Variants in PARP6 observed in about 807,000 individuals in gnomAD.
The protein encoded by PARP6 is poly(ADP-ribose) polymerase family member 6.
A neutral mutation model predicts 92.0 loss-of-function variants in PARP6; 27 were observed. That is an observed-to-expected ratio of 0.29 (90% CI 0.22 to 0.40). PARP6 has a LOEUF of 0.40. PARP6 is among the 10% of genes least tolerant of loss of function. The pLI, the probability that PARP6 is intolerant of heterozygous loss-of-function variation, is 1.00. For missense variants in PARP6, 501 were observed against 784.5 expected, an observed-to-expected ratio of 0.64 and a Z score of 4.32; for synonymous variants, 272 against 281.2, an observed-to-expected ratio of 0.97 and a Z score of 0.33.
rs546372792 is a variant in PARP6 at position 72,271,121 on chromosome 15, G to C, written c.-293C>G. 1 of 152,292 alleles carries C rather than the reference G, an allele frequency of 6.6e-6. No homozygotes were observed. The highest frequency in any genetic ancestry group is 2.1e-4 in the South Asian group (1 of 4,830). 9.4% of individuals were successfully genotyped at this position (152,292 alleles called of 1,614,324 possible). On this transcript the variant is annotated 5_prime_UTR_variant, in exon 2 of 24. Transcript: ENST00000569795. ...AGTGCTGATCTGGATGATCACAGAG[G>C]AATAAAGAGGGAGGCACTAAATGTC...
At position 72,265,935 on chromosome 15, in the gene PARP6, G is replaced by C. The variant is rs373454949; in HGVS notation, c.138C>G (p.Ala46=). The C allele has an allele frequency of 3.7e-6, 6 of 1,613,766 alleles. No individual in the cohort carries two copies. In the East Asian group the frequency reaches 1.1e-4, roughly 30 times the overall value. The part of the protein sequence containing the change: ...RHPQLDADIE[A]VKEIYSENSV... ...AGTTCTCACTGTAGATCTCCTTCAC[G>C]GCTTCAATGTCTGCATCAAGCTGTG... Residue 46 remains alanine (A), a synonymous_variant, in exon 5 of 24, where the codon GCC becomes GCG. Transcript: ENST00000569795.
intron 19 of PARP6, 95 bp from the exon 20 acceptor site, chr15:72,249,409 CCTT>C (rs1391198771): frequency 6.3e-6 from 4 of 636,246 alleles, no homozygotes; most frequent in Non-Finnish European, 8.3e-6. Flanking sequence ...CTCTGTCCCT[CCTT>C]CTACCTTCTC....
At chr15:72,265,338 C>T (rs773309039) in intron 6 of PARP6, 75 bp downstream of exon 6, 1 of 1,313,366 alleles carries the variant, frequency 7.6e-7, no homozygotes, top group Non-Finnish European at 1.1e-6. Flanking sequence ...CACTCGGGAA[C>T]AAGACTCCTG....
intron 19 of PARP6, 117 bp from the exon 20 acceptor site, chr15:72,249,431 A>G: frequency 1.8e-6 from 1 of 571,064 alleles, no homozygotes; most frequent in South Asian, 2.7e-5. Context: ...TCATTCAAGT[A>G]ACCCTAAGCA....
chr15:72,258,136 A>G lies in PARP6; in HGVS notation c.811-4T>C. ...TCTGTTCTGCATACTTCATGATCTG[A>G]GAAAACAACAGATTCTAAGTCTTTT... On this transcript the variant is annotated splice_region_variant and splice_polypyrimidine_tract_variant and intron_variant, in intron 11 of 23. Transcript: ENST00000569795. 1.3e-6 allele frequency: 2 copies of G among 1,591,784 alleles called. No homozygotes were observed. Among genetic ancestry groups the G allele is most frequent in the South Asian group, 1.1e-5 (1 of 90,630 alleles).
intron 20 of PARP6, among the ~76,000 whole-genome samples, chr15:72,247,074 T>C (rs1386473167): frequency 6.6e-6 from 1 of 152,072 alleles, no homozygotes; most frequent in Non-Finnish European, 1.5e-5. Context: ...TACACTTTTA[T>C]TACTAATCTT....
At chr15:72,259,543 G>T in intron 11 of PARP6, 65 bp downstream of exon 11, 2 of 1,331,946 alleles carry the variant, frequency 1.5e-6, no homozygotes, top group Non-Finnish European at 2.2e-6. Context: ...GCTGGGAGGT[G>T]TTAGGAGACC....
At chr15:72,247,426 G>C (rs1278436480) in intron 20 of PARP6, among the ~76,000 whole-genome samples, 1 of 151,938 alleles carries the variant, frequency 6.6e-6, no homozygotes, top group African/African-American at 2.4e-5. Context: ...TCCCACGTCA[G>C]CCTCCCAGTG....
chr15:72,250,534 A>G lies in PARP6; in HGVS notation c.1418+311T>C, dbSNP rs987417231. The G allele has an allele frequency of 1.7e-5, 6 of 350,806 alleles. No homozygotes were observed. In the Admixed American group the frequency reaches 2.7e-4, roughly 16 times the overall value. The allele number at this position is 350,806 out of a possible 1,614,324, so 21.7% of individuals were successfully genotyped here. On this transcript the variant is annotated intron_variant, in intron 18 of 23. Transcript: ENST00000569795. ...CTCTCTTTCTCTTTCCCTCCTCTCA[A>G]AATTAGGCATAAATTGTGGATTTTT... is the stretch of plus-strand genomic sequence containing the variant.
At position 72,241,409 on chromosome 15, in the gene PARP6, A is replaced by G; in HGVS notation, c.*46T>C. ...TGTACCTGAACACTTTTATGAGGGC[A>G]GATGGATCCTGGGGTAACAGGGGTG... is the stretch of plus-strand genomic sequence containing the variant. On this transcript the variant is annotated 3_prime_UTR_variant, in exon 24 of 24. Transcript: ENST00000569795. The surrounding 1 kb of genome is among the most constrained non-coding windows in gnomAD (Gnocchi z 4.1). The G allele has an allele frequency of 7.6e-7, 1 of 1,315,390 alleles. No homozygotes were observed. Among genetic ancestry groups the G allele is most frequent in the Middle Eastern group, 1.8e-4 (1 of 5,516 alleles). The allele number at this position is 1,315,390 out of a possible 1,614,324, so 81.5% of individuals were successfully genotyped here. A position where few individuals can be genotyped will look rare whatever the true frequency, so the allele number is the denominator to read the frequency against.
At chr15:72,252,165 T>G (rs2084444917) in intron 16 of PARP6, among the ~76,000 whole-genome samples, 1 of 152,194 alleles carries the variant, frequency 6.6e-6, no homozygotes, top group Non-Finnish European at 1.5e-5. Flanking sequence ...CAATAGTGCC[T>G]CAAGGCTCTG....
At chr15:72,265,559 G>A in intron 5 of PARP6, 86 bp from the exon 6 acceptor site, 2 of 1,040,444 alleles carry the variant, frequency 1.9e-6, no homozygotes, top group Non-Finnish European at 3.0e-6. Context: ...AACTGAGCCT[G>A]GGGACAGGGG....
intron 20 of PARP6, chr15:72,244,781 A>G (rs2083412439): frequency 6.6e-6 from 1 of 152,238 alleles, no homozygotes; most frequent in African/African-American, 2.4e-5. Context: ...CCGTCATTCA[A>G]GCAAGGCCTA....
intron 16 of PARP6, 31 bp from the exon 17 acceptor site, chr15:72,251,286 T>C (rs1450662177): frequency 5.0e-6 from 7 of 1,408,060 alleles, no homozygotes; most frequent in Admixed American, 1.8e-5. Context: ...ATAAAAAGGA[T>C]AGAATAATTA....
At chr15:72,259,583 G>C (rs374938580) in intron 11 of PARP6, 25 bp downstream of exon 11, 1 of 1,610,506 alleles carries the variant, frequency 6.2e-7, no homozygotes, top group African/African-American at 1.3e-5. Flanking sequence ...GAAGGGCTTC[G>C]GAGTGACAAT....
At chr15:72,263,879 C>T (rs1338963893) in intron 8 of PARP6, among the ~76,000 whole-genome samples, 1 of 151,798 alleles carries the variant, frequency 6.6e-6, no homozygotes, top group Non-Finnish European at 1.5e-5. Flanking sequence ...AAAAATTAGC[C>T]GGGCATGGTG....
chr15:72,249,095 T>TAG (rs1201902218), intron 20 of PARP6, 150 bp downstream of exon 20: 5 of 434,338 alleles, frequency 1.2e-5, no homozygotes, highest in Middle Eastern at 3.0e-4. Flanking sequence ...TAAGAAAATG[T>TAG]AGAGAGAGAG....
In PARP6 at chr15:72,241,626, C is replaced by T. The variant is rs547343987; in HGVS notation, c.1791-69G>A. 2.1e-3 allele frequency: 2,607 copies of T among 1,235,382 alleles called. 3 individuals carry two copies. The highest frequency in any genetic ancestry group is 3.0e-3 in the Non-Finnish European group (2,480 of 838,850). The allele number at this position is 1,235,382 out of a possible 1,614,324, so 76.5% of individuals were successfully genotyped here. A position where few individuals can be genotyped will look rare whatever the true frequency, so the allele number is the denominator to read the frequency against. On this transcript the variant is annotated intron_variant, in intron 23 of 23. Coordinates refer to ENST00000569795, the MANE Select transcript of PARP6 (RefSeq NM_001323532.2). This position sits in a 1 kb window ranked among gnomAD's most constrained non-coding sequence, Gnocchi z 4.1. ...ACCAGAATAACATCAATCAGTGGAACTGTATTTCAAGGTATGGCCATCCCA... is the reference window on the plus strand; with the variant it reads ...ACCAGAATAACATCAATCAGTGGAATTGTATTTCAAGGTATGGCCATCCCA...
chr15:72,264,432 T>C (rs910818457), intron 8 of PARP6, 123 bp downstream of exon 8: 14 of 726,100 alleles, frequency 1.9e-5, no homozygotes, highest in Non-Finnish European at 3.3e-5. Flanking sequence ...TTCCTGGGCA[T>C]ATTTCAGAAA....
Sources: gnomAD v4.1 joint callset for allele counts (sites outside exome capture counted in the v4.1 genomes callset) on GRCh38, gnomAD v4.1.1 for gene constraint, Gnocchi (gnomAD v3.1) non-coding constraint, MANE v1.5 for transcripts, NCBI Gene and HGNC (gene_info 2026-07-23, HGNC 2026-07-21) for gene names.